TNNI3K: variants seen among roughly 807,000 people sequenced by gnomAD.
TNNI3K encodes the protein serine/threonine-protein kinase TNNI3K.
TNNI3K carries 140 observed loss-of-function variants against 114.5 expected under a neutral mutation model. The ratio of observed to expected loss-of-function variants is 1.22; its 90% CI spans 1.07 to 1.41. The LOEUF (loss-of-function observed/expected upper bound fraction) is 1.41. TNNI3K is among the 40% of genes most tolerant of loss of function. TNNI3K has a pLI of 0.00. For synonymous variants in TNNI3K, 347 were observed against 347.5 expected (o/e 1.00, Z 0.02); for missense variants, 1,125 against 1,007.6 (o/e 1.12, Z -1.58).
intron 23 of TNNI3K, among the ~76,000 whole-genome samples, chr1:74,519,928 C>T (rs1307330676): frequency 6.6e-6 from 1 of 152,084 alleles, no homozygotes; most frequent in Non-Finnish European, 1.5e-5. Context: ...GACTGGACAG[C>T]ATGTTCTTAC....
chr1:74,452,785 C>T (rs964654993), intron 20 of TNNI3K, among the ~76,000 whole-genome samples: 10 of 152,134 alleles, frequency 6.6e-5, no homozygotes, highest in African/African-American at 1.7e-4. Context: ...CCTGCCTCCC[C>T]GGCCTCCATC....
At chr1:74,286,791 A>T (rs1180126389) in intron 5 of TNNI3K, among the ~76,000 whole-genome samples, 1 of 152,150 alleles carries the variant, frequency 6.6e-6, no homozygotes, top group Non-Finnish European at 1.5e-5. Flanking sequence ...AGAAGTGTCT[A>T]CTTCAAATGC....
chr1:74,271,414 T>C (rs1195122723), intron 4 of TNNI3K, among the ~76,000 whole-genome samples, 184 bp from the exon 5 acceptor site: 1 of 151,890 alleles, frequency 6.6e-6, no homozygotes, highest in Non-Finnish European at 1.5e-5. Context: ...TGTCATTTGG[T>C]CCTACTTTCC....
chr1:74,371,314 C>A (rs890798748), intron 17 of TNNI3K: 3 of 151,776 alleles, frequency 2.0e-5, no homozygotes, highest in African/African-American at 7.3e-5. Flanking sequence ...CACAGTAGAG[C>A]TTACAAAGTG....
At chr1:74,258,548 AG>A (rs1380155166) in intron 4 of TNNI3K, among the ~76,000 whole-genome samples, 1 of 152,198 alleles carries the variant, frequency 6.6e-6, no homozygotes. Flanking sequence ...TTGCCAGTAG[AG>A]AAAGTCTATA....
chr1:74,381,109 G>GC (rs1334398551), intron 17 of TNNI3K, among the ~76,000 whole-genome samples: 1 of 152,114 alleles, frequency 6.6e-6, no homozygotes, highest in Non-Finnish European at 1.5e-5. Context: ...TTGGAAGAAA[G>GC]TTTCTAAATA....
At chr1:74,253,070 A>C (rs1474316172) in intron 4 of TNNI3K, among the ~76,000 whole-genome samples, 1 of 152,124 alleles carries the variant, frequency 6.6e-6, no homozygotes, top group Non-Finnish European at 1.5e-5. Flanking sequence ...GCTAGACACA[A>C]AAGTTCTCCA....
At chr1:74,457,337 C>T (rs935236097) in intron 20 of TNNI3K, among the ~76,000 whole-genome samples, 2 of 152,164 alleles carry the variant, frequency 1.3e-5, no homozygotes, top group Admixed American at 6.6e-5. Flanking sequence ...TTAATCTATT[C>T]TTCTGACAGT....
intron 5 of TNNI3K, among the ~76,000 whole-genome samples, chr1:74,276,301 A>G (rs1449335819): frequency 6.6e-6 from 1 of 152,120 alleles, no homozygotes; most frequent in Non-Finnish European, 1.5e-5. Flanking sequence ...ATAACAGCTT[A>G]AAGTTGTATA....
intron 17 of TNNI3K, among the ~76,000 whole-genome samples, chr1:74,383,061 C>T (rs912416431): frequency 1.5e-4 from 22 of 150,500 alleles, no homozygotes; most frequent in Non-Finnish European, 3.1e-4. Context: ...AATTCTTTCT[C>T]TTTCTTTAAT....
chr1:74,391,256 A>G (rs1373447619), intron 17 of TNNI3K, among the ~76,000 whole-genome samples: 1 of 152,214 alleles, frequency 6.6e-6, no homozygotes, highest in East Asian at 1.9e-4. Context: ...TTAATACTAG[A>G]ATATTCTGAA....
chr1:74,467,301 C>G (rs1380924555), intron 21 of TNNI3K, among the ~76,000 whole-genome samples: 1 of 151,954 alleles, frequency 6.6e-6, no homozygotes, highest in African/African-American at 2.4e-5. Flanking sequence ...TCATGCTATT[C>G]TGGTCATTAC....
At chr1:74,243,232 T>G (rs892320965) in intron 2 of TNNI3K, among the ~76,000 whole-genome samples, 1 of 152,206 alleles carries the variant, frequency 6.6e-6, no homozygotes, top group Non-Finnish European at 1.5e-5. Flanking sequence ...CAGTATTAGT[T>G]TGCAGATTTT....
intron 3 of TNNI3K, among the ~76,000 whole-genome samples, chr1:74,250,077 T>C (rs569040770): frequency 6.8e-4 from 103 of 152,340 alleles, no homozygotes; most frequent in Middle Eastern, 3.4e-3. Flanking sequence ...AGTTATTGAA[T>C]TAATGAATGA....
At chr1:74,506,123 C>G (rs1011470733) in intron 23 of TNNI3K, among the ~76,000 whole-genome samples, 3 of 152,092 alleles carry the variant, frequency 2.0e-5, no homozygotes, top group African/African-American at 7.2e-5. Context: ...TTGCCATGTG[C>G]ACTGATGGCA....
At chr1:74,246,508 C>T (rs1654562267) in intron 2 of TNNI3K, among the ~76,000 whole-genome samples, 2 of 152,166 alleles carry the variant, frequency 1.3e-5, no homozygotes, top group Admixed American at 6.5e-5. Flanking sequence ...TGATTCAGCT[C>T]TGAGCTGCTT....
chr1:74,422,734 A>C (rs1194046547), intron 17 of TNNI3K, among the ~76,000 whole-genome samples: 2 of 152,112 alleles, frequency 1.3e-5, no homozygotes, highest in African/African-American at 2.4e-5. Context: ...CATGGAGTTA[A>C]ATAGAACAGC....
chr1:74,450,243 C>T (rs1284920794), intron 20 of TNNI3K, among the ~76,000 whole-genome samples: 12 of 151,568 alleles, frequency 7.9e-5, no homozygotes, highest in Non-Finnish European at 1.5e-4. Flanking sequence ...ATCTCTGGGA[C>T]GCATTCAAAG....
intron 11 of TNNI3K, among the ~76,000 whole-genome samples, chr1:74,356,436 A>G (rs1386112155): frequency 5.9e-5 from 9 of 152,140 alleles, no homozygotes; most frequent in African/African-American, 1.9e-4. Context: ...GTAGCTCTAT[A>G]TCTTAATATC....
Sources: allele counts gnomAD v4.1 joint callset (sites outside exome capture counted in the v4.1 genomes callset), GRCh38; gene constraint gnomAD v4.1.1; transcripts MANE v1.5; gene names NCBI Gene and HGNC (gene_info 2026-07-23, HGNC 2026-07-21).